The following FAM20C variants were observed in gnomAD, a reference collection of about 807,000 sequenced individuals.
The protein encoded by FAM20C is extracellular serine/threonine protein kinase FAM20C.
FAM20C carries 40 observed loss-of-function variants against 51.5 expected under a neutral mutation model. The ratio of observed to expected loss-of-function variants is 0.78; its 90% CI spans 0.60 to 1.01. FAM20C has a LOEUF of 1.01. Ranked by LOEUF, FAM20C falls within the 50% of genes least tolerant of loss-of-function variation. The pLI, the probability that FAM20C is intolerant of heterozygous loss-of-function variation, is 0.00. For missense variants in FAM20C, 861 were observed against 844.7 expected, an observed-to-expected ratio of 1.02 and a Z score of -0.24; for synonymous variants, 406 against 380.6, an observed-to-expected ratio of 1.07 and a Z score of -0.78.
chr7:256,817 A>G, intron 7 of FAM20C, 54 bp downstream of exon 7: 2 of 1,478,306 alleles, frequency 1.4e-6, no homozygotes, highest in Non-Finnish European at 1.8e-6. Context: ...CGTGGAGCGG[A>G]TGCACGCAGG....
chr7:258,929 G>A (rs985945809), intron 9 of FAM20C, among the ~76,000 whole-genome samples: 34 of 152,098 alleles, frequency 2.2e-4, no homozygotes, highest in African/African-American at 6.0e-4. Flanking sequence ...GAGCCCCCTC[G>A]GGCCTCCACT....
At chr7:254,477 T>A (rs1035803306) in intron 5 of FAM20C, among the ~76,000 whole-genome samples, 1 of 152,230 alleles carries the variant, frequency 6.6e-6, no homozygotes, top group Admixed American at 6.5e-5. Flanking sequence ...AAAACTAGAT[T>A]TAATCAGCAA....
At position 227,133 on chromosome 7, in the gene FAM20C, T is replaced by C. The variant is rs552375879; in HGVS notation, c.863+18157T>C. On this transcript the variant is annotated intron_variant, in intron 3 of 9. Coordinates refer to ENST00000313766, the MANE Select transcript of FAM20C (RefSeq NM_020223.4). ...AAATCAAGGAAAGTCATTTTTTTTT[T>C]CCAAAAGCATTCCCCAGAACGGCAA... Among the ~76,000 whole-genome samples the C allele has an allele frequency of 3.3e-5, 5 of 151,826 alleles. No homozygotes were observed. The South Asian group carries it at 1.0e-3, about 32-fold the overall frequency.
intron 3 of FAM20C, among the ~76,000 whole-genome samples, chr7:226,306 G>T: frequency 6.7e-6 from 1 of 150,170 alleles, no homozygotes; most frequent in South Asian, 2.1e-4. Context: ...GGAGAAGACC[G>T]GCTAGGAGGG....
intron 3 of FAM20C, among the ~76,000 whole-genome samples, chr7:211,785 T>C (rs1311508850): frequency 6.6e-6 from 1 of 152,226 alleles, no homozygotes; most frequent in Admixed American, 6.5e-5. Flanking sequence ...AGGGAAAGGA[T>C]ACGTCCAAGG....
chr7:231,206 G>C (rs1490242468), intron 3 of FAM20C, among the ~76,000 whole-genome samples: 1 of 152,164 alleles, frequency 6.6e-6, no homozygotes, highest in African/African-American at 2.4e-5. Flanking sequence ...GAGTGGGTGC[G>C]CTGGGGGGTC....
In FAM20C at chr7:193,658, C is replaced by T. The variant is rs1477018101; in HGVS notation, c.459C>T (p.Gly153=). 5 of 1,541,086 alleles carry T rather than the reference C, an allele frequency of 3.2e-6. No homozygotes were observed. The highest frequency in any genetic ancestry group is 8.7e-7 in the Non-Finnish European group (1 of 1,143,644). The change falls in exon 1 of 10, where the codon GGC becomes GGT. Residue 153 remains glycine (G), a synonymous_variant. Coordinates refer to ENST00000313766, the MANE Select transcript of FAM20C (RefSeq NM_020223.4). ...PGPRRSESPP[G]PGGDASLLAR... ...CGCGTCGGTCCGAGTCGCCCCCCGG[C>T]CCCGGCGGAGACGCCTCCCTCCTGG...
intron 5 of FAM20C, among the ~76,000 whole-genome samples, chr7:249,561 TGA>T (rs1788314188): frequency 1.3e-5 from 2 of 152,112 alleles, no homozygotes; most frequent in African/African-American, 4.8e-5. Context: ...GGCAACGTGG[TGA>T]GACCCCTGTC....
At chr7:219,608 C>T (rs559192046) in intron 3 of FAM20C, among the ~76,000 whole-genome samples, 14 of 152,164 alleles carry the variant, frequency 9.2e-5, no homozygotes, top group Non-Finnish European at 1.3e-4. Flanking sequence ...TTGGGAGCCA[C>T]AGGAAAAGCA....
intron 3 of FAM20C, among the ~76,000 whole-genome samples, chr7:242,778 G>C (rs1787985979): frequency 6.6e-6 from 1 of 152,194 alleles, no homozygotes; most frequent in Admixed American, 6.5e-5. Flanking sequence ...CAGCGCAGAA[G>C]GTCACGTCCA....
intron 9 of FAM20C, 72 bp from the exon 10 acceptor site, chr7:259,659 C>T: frequency 7.4e-7 from 1 of 1,353,544 alleles, no homozygotes; most frequent in Non-Finnish European, 9.4e-7. Context: ...CTCCCTCTCA[C>T]TTTCTCTCGC....
intron 3 of FAM20C, among the ~76,000 whole-genome samples, chr7:223,870 C>T (rs902325369): frequency 6.6e-6 from 1 of 152,210 alleles, no homozygotes; most frequent in African/African-American, 2.4e-5. Context: ...GTCCCCTGCC[C>T]CAGGCATCTC....
intron 9 of FAM20C, among the ~76,000 whole-genome samples, chr7:259,237 C>G (rs575656463): frequency 6.7e-6 from 1 of 148,982 alleles, no homozygotes; most frequent in Non-Finnish European, 1.5e-5. Context: ...CCTGGGTGAG[C>G]GGGCCGCCCT....
intron 2 of FAM20C, among the ~76,000 whole-genome samples, chr7:206,192 C>A (rs1032904242): frequency 6.6e-6 from 1 of 152,186 alleles, no homozygotes; most frequent in African/African-American, 2.4e-5. Context: ...CCACCAGATA[C>A]CTCTCAGATC....
At chr7:223,136 A>G (rs925204859) in intron 3 of FAM20C, among the ~76,000 whole-genome samples, 3 of 152,076 alleles carry the variant, frequency 2.0e-5, no homozygotes, top group Non-Finnish European at 2.9e-5. Flanking sequence ...GTGTGTTCCT[A>G]TGAAGGGCAG....
chr7:208,849 G>T, intron 2 of FAM20C, 49 bp from the exon 3 acceptor site: 1 of 1,537,366 alleles, frequency 6.5e-7, no homozygotes, highest in South Asian at 1.2e-5. Flanking sequence ...AGGAGAAGAA[G>T]GGGCGTGAGG....
chr7:216,570 A>G (rs28498692), intron 3 of FAM20C, among the ~76,000 whole-genome samples: 132,698 of 151,704 alleles, frequency 0.87, 58,320 homozygotes, highest in South Asian at 0.93. Context: ...CTCCAGAGAC[A>G]CCTGCCCTCC....
chr7:208,851 G>A (rs770303196), intron 2 of FAM20C, 47 bp from the exon 3 acceptor site: 3 of 1,539,708 alleles, frequency 1.9e-6, no homozygotes, highest in Non-Finnish European at 2.6e-6. Context: ...GAGAAGAAGG[G>A]GCGTGAGGCC....
chr7:223,764 T>C (rs1787343118), intron 3 of FAM20C, among the ~76,000 whole-genome samples: 1 of 152,236 alleles, frequency 6.6e-6, no homozygotes, highest in African/African-American at 2.4e-5. Context: ...TTCACGTTGC[T>C]TCCAGTTTCC....
Sources: allele counts gnomAD v4.1 joint callset (sites outside exome capture counted in the v4.1 genomes callset), GRCh38; gene constraint gnomAD v4.1.1; transcripts MANE v1.5; gene names NCBI Gene and HGNC (gene_info 2026-07-23, HGNC 2026-07-21).